TDRD3: variants seen among roughly 807,000 people sequenced by gnomAD.
TDRD3 encodes tudor domain containing 3.
Under a neutral mutation model 86.7 loss-of-function variants are expected in TDRD3, and 45 were observed. The ratio of observed to expected loss-of-function variants is 0.52; its 90% confidence interval spans 0.41 to 0.67. TDRD3 has a LOEUF of 0.67. Ranked by LOEUF, TDRD3 falls within the 30% of genes least tolerant of loss-of-function variation. TDRD3 has a pLI of 0.00. For missense variants in TDRD3, 814 were observed against 889.0 expected (o/e 0.92, Z 1.07); for synonymous variants, 298 against 301.7 (o/e 0.99, Z 0.13).
rs574815735 is a variant in TDRD3 at position 60,419,606 on chromosome 13, G to T, written c.42-20082G>T. Among the ~76,000 whole-genome samples the T allele has an allele frequency of 2.0e-5, 3 of 152,082 alleles. No individual in the cohort carries two copies. In the East Asian group the frequency reaches 5.8e-4, roughly 30 times the overall value. On this transcript the variant is annotated intron_variant, in intron 1 of 13. Coordinates refer to ENST00000377881, the MANE Select transcript of TDRD3 (RefSeq NM_001146070.2). ...TGAGAACACATGGACACAGAGAGGG[G>T]AACATCACACACTGAGGCCTGTTGT...
At chr13:60,482,108 A>G (rs575849141) in intron 5 of TDRD3, among the ~76,000 whole-genome samples, 2 of 152,138 alleles carry the variant, frequency 1.3e-5, no homozygotes, top group Non-Finnish European at 2.9e-5. Flanking sequence ...TACAACTCTC[A>G]GTTGTTTTTT....
At chr13:60,572,544 GGAAGCCTTTGTAA>G (rs1412803904) in intron 13 of TDRD3, among the ~76,000 whole-genome samples, 1 of 152,178 alleles carries the variant, frequency 6.6e-6, no homozygotes, top group Non-Finnish European at 1.5e-5. Flanking sequence ...GACCTGTGCA[GGAAGCCTTTGTAA>G]GACAGATCAG....
At chr13:60,561,285 A>G (rs1042275876) in intron 12 of TDRD3, among the ~76,000 whole-genome samples, 3 of 152,146 alleles carry the variant, frequency 2.0e-5, no homozygotes, top group African/African-American at 4.8e-5. Flanking sequence ...ATAGAAGGCA[A>G]AGGGAGAAAG....
intron 1 of TDRD3, among the ~76,000 whole-genome samples, chr13:60,418,442 A>G (rs186585534): frequency 3.9e-5 from 6 of 152,264 alleles, no homozygotes; most frequent in African/African-American, 1.4e-4. Flanking sequence ...AAGTAAACCA[A>G]GCTTCACTGG....
At position 60,528,758 on chromosome 13, in the gene TDRD3, C is replaced by G; in HGVS notation, c.1533C>G (p.Pro511=). 6.2e-7 allele frequency: 1 copy of G among 1,613,340 alleles called. No homozygotes were observed. Residue 511 remains proline, a synonymous_variant, in exon 11 of 14, where the codon CCC becomes CCG. Transcript: ENST00000377881. ...TGCAAAGCAGATCAGGAAAAGGTCC[C>G]TCCTTTGCAGAGGCAAAAGAAAATC... ...NSMQSRSGKG[P]SFAEAKENPL...
chr13:60,397,896 G>T (rs1953979050), intron 1 of TDRD3, among the ~76,000 whole-genome samples: 1 of 152,142 alleles, frequency 6.6e-6, no homozygotes, highest in Admixed American at 6.5e-5. Flanking sequence ...CACAGCCCGC[G>T]CTGCGGCCGG....
At chr13:60,517,837 G>T (rs1244549942) in intron 10 of TDRD3, among the ~76,000 whole-genome samples, 3 of 152,202 alleles carry the variant, frequency 2.0e-5, no homozygotes, top group Non-Finnish European at 4.4e-5. Context: ...TACAGATTCA[G>T]TGCTGAAATT....
intron 1 of TDRD3, among the ~76,000 whole-genome samples, chr13:60,405,906 ATATTTGGAAGG>A (rs1332861458): frequency 6.6e-6 from 1 of 152,200 alleles, no homozygotes; most frequent in African/African-American, 2.4e-5. Flanking sequence ...GACTTGACAG[ATATTTGGAAGG>A]TAAATGGACA....
At chr13:60,571,521 GCTTT>G (rs1457336562) in intron 13 of TDRD3, among the ~76,000 whole-genome samples, 2 of 152,092 alleles carry the variant, frequency 1.3e-5, no homozygotes, top group Admixed American at 6.5e-5. Context: ...CACTTAAGGT[GCTTT>G]CTATTATCAC....
At chr13:60,541,477 T>G (rs927165919) in intron 12 of TDRD3, among the ~76,000 whole-genome samples, 1 of 151,984 alleles carries the variant, frequency 6.6e-6, no homozygotes, top group African/African-American at 2.4e-5. Flanking sequence ...CACGGCATTC[T>G]TTTATTTTTT....
chr13:60,573,557 A>C (rs1958634911), intron 13 of TDRD3, 59 bp from the exon 14 acceptor site: 1 of 948,066 alleles, frequency 1.1e-6, no homozygotes, highest in East Asian at 1.2e-4. Context: ...ATCTTGACAA[A>C]GTATGGAAAA....
intron 4 of TDRD3, 94 bp downstream of exon 4, chr13:60,460,634 C>T (rs540612827): frequency 5.5e-5 from 61 of 1,116,082 alleles, no homozygotes; most frequent in Non-Finnish European, 6.9e-5. Flanking sequence ...AGGAATGGAC[C>T]CTTAATTGTG....
chr13:60,496,853 G>A (rs1001601810), intron 8 of TDRD3, among the ~76,000 whole-genome samples: 1 of 152,130 alleles, frequency 6.6e-6, no homozygotes, highest in African/African-American at 2.4e-5. Flanking sequence ...AGATGGTGGT[G>A]GGCTGCTTCC....
chr13:60,488,582 TTTTTTA>T (rs2137529559), intron 7 of TDRD3, among the ~76,000 whole-genome samples: 1 of 152,294 alleles, frequency 6.6e-6, no homozygotes, highest in East Asian at 1.9e-4. Context: ...TTTTTTGTTT[TTTTTTA>T]TTTTTGACAG....
chr13:60,401,039 A>G (rs1189248653), intron 1 of TDRD3, among the ~76,000 whole-genome samples: 1 of 152,186 alleles, frequency 6.6e-6, no homozygotes, highest in East Asian at 1.9e-4. Flanking sequence ...CAGGAAAGAT[A>G]AAGGGCTTAT....
rs553317655 is a variant in TDRD3, at chr13:60,440,342, G to A, written c.126+570G>A. Among the ~76,000 whole-genome samples, 18 of 151,026 alleles carry A rather than the reference G, an allele frequency of 1.2e-4. No homozygotes were observed. The South Asian group carries it at 2.9e-3, about 24-fold the overall frequency. On this transcript the variant is annotated intron_variant, in intron 2 of 13. Coordinates refer to ENST00000377881, the MANE Select transcript of TDRD3 (RefSeq NM_001146070.2). ...TGTTTTTTTTTTCCATAATTGTATT[G>A]GCTTTTGGGTTTTTTCAAGAGTTAT...
chr13:60,549,683 G>A (rs1434907385), intron 12 of TDRD3, among the ~76,000 whole-genome samples: 1 of 152,074 alleles, frequency 6.6e-6, no homozygotes, highest in African/African-American at 2.4e-5. Flanking sequence ...TCTCAGTAAA[G>A]AAAGTAAGAA....
At chr13:60,553,269 A>G (rs796935043) in intron 12 of TDRD3, among the ~76,000 whole-genome samples, 23 of 152,256 alleles carry the variant, frequency 1.5e-4, no homozygotes, top group African/African-American at 5.5e-4. Flanking sequence ...GCTGCTTAGA[A>G]ATTTCTTCAG....
At chr13:60,513,682 C>T (rs536283959) in intron 10 of TDRD3, among the ~76,000 whole-genome samples, 2 of 152,282 alleles carry the variant, frequency 1.3e-5, no homozygotes, top group South Asian at 4.1e-4. Context: ...GTGTAAGTCT[C>T]ATGAGATCTG....
Sources: gnomAD v4.1 joint callset for allele counts (sites outside exome capture counted in the v4.1 genomes callset) on GRCh38, gnomAD v4.1.1 for gene constraint, MANE v1.5 for transcripts, NCBI Gene and HGNC (gene_info 2026-07-23, HGNC 2026-07-21) for gene names.